The following HS2ST1 variants were observed in gnomAD, a reference collection of about 807,000 sequenced individuals.
HS2ST1 encodes the protein 2-O-sulfotransferase.
HS2ST1 carries 18 observed loss-of-function variants against 42.9 expected under a neutral mutation model. The ratio of observed to expected loss-of-function variants is 0.42; its 90% CI spans 0.29 to 0.62. HS2ST1 has a LOEUF of 0.62. Ranked by LOEUF, HS2ST1 falls within the 20% of genes least tolerant of loss-of-function variation. The probability of loss-of-function intolerance (pLI) is 0.21; values close to 1 mark genes in which losing one functional copy is unlikely to be tolerated. For synonymous variants in HS2ST1, 146 were observed against 152.9 expected (o/e 0.95, Z 0.33); for missense variants, 334 against 433.8 (o/e 0.77, Z 2.04).
chr1:87,023,245 T>C (rs1038738197), intron 1 of HS2ST1, among the ~76,000 whole-genome samples: 3 of 152,200 alleles, frequency 2.0e-5, no homozygotes, highest in African/African-American at 7.2e-5. Flanking sequence ...AAACTCTAGT[T>C]ATCCTAAAGA....
intron 1 of HS2ST1, among the ~76,000 whole-genome samples, chr1:87,037,821 T>C (rs545264177): frequency 6.6e-6 from 1 of 152,160 alleles, no homozygotes; most frequent in East Asian, 1.9e-4. Flanking sequence ...GCCATCTTGA[T>C]ACTTCCAGAC....
At position 87,107,561 on chromosome 1, in the gene HS2ST1, G is replaced by A. The variant is rs1351003470; in HGVS notation, c.*2865G>A. On this transcript the variant is annotated 3_prime_UTR_variant, in exon 7 of 7. Coordinates refer to ENST00000370550, the MANE Select transcript of HS2ST1 (RefSeq NM_012262.4). ...GCGCTTTTTCAGTATTTTGACCATA[G>A]GGAGATAATTTTTTTATAATACAAA... The A allele has an allele frequency of 6.6e-6, 1 of 151,416 alleles. No individual in the cohort carries two copies. Among genetic ancestry groups the A allele is most frequent in the African/African-American group, 2.4e-5 (1 of 41,262 alleles). 9.4% of individuals were successfully genotyped at this position (151,416 alleles called of 1,614,324 possible).
At chr1:86,945,292 G>A (rs1055671973) in intron 1 of HS2ST1, among the ~76,000 whole-genome samples, 5 of 152,160 alleles carry the variant, frequency 3.3e-5, no homozygotes, top group African/African-American at 9.7e-5. Flanking sequence ...TATAGTAGGG[G>A]ATATCATTGG....
At position 86,973,373 on chromosome 1, in the gene HS2ST1, G is replaced by A. The variant is rs549210261; in HGVS notation, c.124+58213G>A. On this transcript the variant is annotated intron_variant, in intron 1 of 6. Coordinates refer to ENST00000370550, the MANE Select transcript of HS2ST1 (RefSeq NM_012262.4). ...AGTATGCTAAAATGAAAAACGCTAG[G>A]GATGCGAAAATGAACAAGATGTAAA... Among the ~76,000 whole-genome samples, 293 of 151,582 alleles carry A rather than the reference G, an allele frequency of 1.9e-3. 1 individual carries two copies. The highest frequency in any genetic ancestry group is 6.7e-3 in the African/African-American group (278 of 41,260).
intron 2 of HS2ST1, among the ~76,000 whole-genome samples, chr1:87,078,348 C>T (rs947197454): frequency 3.7e-4 from 56 of 152,116 alleles, no homozygotes; most frequent in African/African-American, 1.4e-3. Flanking sequence ...AACAAAAAAC[C>T]CCAACACCAT....
chr1:87,082,227 A>G (rs771288427), intron 2 of HS2ST1, among the ~76,000 whole-genome samples: 2 of 152,194 alleles, frequency 1.3e-5, no homozygotes, highest in Non-Finnish European at 2.9e-5. Flanking sequence ...AAGGGTACAC[A>G]TTGGATGAGA....
intron 1 of HS2ST1, among the ~76,000 whole-genome samples, chr1:86,942,639 A>G (rs1262950215): frequency 6.6e-6 from 1 of 152,154 alleles, no homozygotes; most frequent in Non-Finnish European, 1.5e-5. Context: ...CTGTTTAGCT[A>G]TTTTTGGCAA....
chr1:87,007,545 G>C (rs1649476073), intron 1 of HS2ST1, among the ~76,000 whole-genome samples: 1 of 152,086 alleles, frequency 6.6e-6, no homozygotes, highest in Non-Finnish European at 1.5e-5. Context: ...GTTAAAATGT[G>C]ATAGGAGAAA....
chr1:86,936,878 G>A (rs529297660), intron 1 of HS2ST1, among the ~76,000 whole-genome samples: 3 of 149,528 alleles, frequency 2.0e-5, no homozygotes, highest in Non-Finnish European at 4.4e-5. Context: ...GGCGGATCAC[G>A]TGAGGTCAGG....
chr1:87,017,558 G>T (rs1649796929), intron 1 of HS2ST1, among the ~76,000 whole-genome samples: 1 of 152,190 alleles, frequency 6.6e-6, no homozygotes, highest in Admixed American at 6.5e-5. Context: ...AATCATGCTT[G>T]ATAGGCATAG....
chr1:86,982,267 A>G (rs1331784822), intron 1 of HS2ST1, among the ~76,000 whole-genome samples: 1 of 152,142 alleles, frequency 6.6e-6, no homozygotes, highest in Non-Finnish European at 1.5e-5. Context: ...GCTGCCATGA[A>G]GTTCTCTGAC....
chr1:86,939,704 A>T lies in HS2ST1; in HGVS notation c.124+24544A>T, dbSNP rs560219954. ...GTTAAGAGCCTCTAGAGACTCATGC[A>T]CAATAACACGTGTTAAAATTGGCTC... is the stretch of plus-strand genomic sequence containing the variant. On this transcript the variant is annotated intron_variant, in intron 1 of 6. Transcript: ENST00000370550. 5.9e-5 allele frequency among the ~76,000 whole-genome samples: 9 copies of T among 152,356 alleles called. No individual in the cohort carries two copies. The South Asian group carries it at 1.4e-3, about 25-fold the overall frequency.
intron 1 of HS2ST1, among the ~76,000 whole-genome samples, chr1:86,915,611 C>T (rs1276013735): frequency 6.6e-6 from 1 of 152,104 alleles, no homozygotes; most frequent in Non-Finnish European, 1.5e-5. Flanking sequence ...CTTTTGGGGG[C>T]TCATGAAGGG....
chr1:86,924,216 C>A (rs1484504526), intron 1 of HS2ST1, among the ~76,000 whole-genome samples: 5 of 152,218 alleles, frequency 3.3e-5, no homozygotes, highest in Non-Finnish European at 7.3e-5. Flanking sequence ...CACACTGATG[C>A]AAGAGTTGGG....
In HS2ST1 at chr1:87,103,467, A is replaced by G. The variant is rs754636445; in HGVS notation, c.722A>G (p.Lys241Arg). ...AGCAGGTGGGCTATGGATCAAGCCA[A>G]GTATAACCTAATTAATGAATATTTT... is the stretch of plus-strand genomic sequence containing the variant. ...VGSRWAMDQA[K>R]YNLINEYFLV... The change falls in exon 6 of 7, where the codon AAG (lysine) becomes AGG (arginine). Residue 241 changes from lysine (K) to arginine (R), a missense_variant. Lys to Arg is a conservative substitution (Grantham distance 26, BLOSUM62 2). Coordinates refer to ENST00000370550, the MANE Select transcript of HS2ST1 (RefSeq NM_012262.4). 3 of 1,611,854 alleles carry G rather than the reference A, an allele frequency of 1.9e-6. No individual in the cohort carries two copies. The highest frequency in any genetic ancestry group is 2.5e-6 in the Non-Finnish European group (3 of 1,179,292).
rs533334829 is a variant in HS2ST1, at chr1:86,986,827, C to G, written c.124+71667C>G. Among the ~76,000 whole-genome samples the G allele has an allele frequency of 2.8e-4, 42 of 152,274 alleles. No homozygotes were observed. The East Asian group carries it at 5.6e-3, about 20-fold the overall frequency. On this transcript the variant is annotated intron_variant, in intron 1 of 6. Coordinates refer to ENST00000370550, the MANE Select transcript of HS2ST1 (RefSeq NM_012262.4). Reference sequence around the variant, plus strand: ...GCCTAGTGGGACTCGTTTTAGTTTTCTCATCCCCAGAACAGTAACATAATA... The same window carrying G: ...GCCTAGTGGGACTCGTTTTAGTTTTGTCATCCCCAGAACAGTAACATAATA...
At chr1:87,006,957 G>C (rs569695143) in intron 1 of HS2ST1, among the ~76,000 whole-genome samples, 2 of 152,156 alleles carry the variant, frequency 1.3e-5, no homozygotes, top group South Asian at 4.1e-4. Context: ...ACAGAATGGA[G>C]TGAGTGAAAT....
Position 87,072,946 on chromosome 1 carries a change from C to G in HS2ST1, c.137C>G (p.Ala46Gly). The G allele has an allele frequency of 6.2e-7, 1 of 1,613,482 alleles. No homozygotes were observed. Among genetic ancestry groups the G allele is most frequent in the South Asian group, 1.1e-5 (1 of 91,058 alleles). ...TTTTTCTTTCCAGAAAGGGCTATTG[C>G]AAGACACGAAGTCCGAGAAATTGAG... ...ESRSKLERAI[A>G]RHEVREIEQR... Residue 46 changes from alanine to glycine, a missense_variant, in exon 2 of 7, where the codon GCA (alanine) becomes GGA (glycine). Coordinates refer to ENST00000370550, the MANE Select transcript of HS2ST1 (RefSeq NM_012262.4).
At chr1:86,938,296 G>A (rs112249336) in intron 1 of HS2ST1, among the ~76,000 whole-genome samples, 8 of 152,124 alleles carry the variant, frequency 5.3e-5, no homozygotes, top group African/African-American at 1.9e-4. Context: ...TGGAAGTAAA[G>A]TATACATAGT....
Sources: gnomAD v4.1 joint callset for allele counts (sites outside exome capture counted in the v4.1 genomes callset) on GRCh38, gnomAD v4.1.1 for gene constraint, MANE v1.5 for transcripts, NCBI Gene and HGNC (gene_info 2026-07-23, HGNC 2026-07-21) for gene names.